Variants in FAM234B observed in about 807,000 individuals in gnomAD.
FAM234B encodes family with sequence similarity 234 member B.
Under a neutral mutation model 69.3 loss-of-function variants are expected in FAM234B, and 33 were observed. The ratio of observed to expected loss-of-function variants is 0.48; its 90% CI spans 0.36 to 0.64. The LOEUF is 0.64. Among genes scored for constraint, FAM234B ranks in the 30% least tolerant of loss-of-function variants. The pLI, the probability that FAM234B is intolerant of heterozygous loss-of-function variation, is 0.00. For synonymous variants in FAM234B, 306 were observed against 306.9 expected, an observed-to-expected ratio of 1.00 and a Z score of 0.03; for missense variants, 697 against 769.7, an observed-to-expected ratio of 0.91 and a Z score of 1.12.
rs537935545 is a variant in FAM234B at position 13,054,332 on chromosome 12, G to A, written c.38-1219G>A. ...AAGTATTAATTTTGGGAACTGATAA[G>A]TGTCCATGAAATCTTCACAATTTAT... is the stretch of plus-strand genomic sequence containing the variant. On this transcript the variant is annotated intron_variant, in intron 1 of 12. Transcript: ENST00000197268. Among the ~76,000 whole-genome samples the A allele has an allele frequency of 2.6e-5, 4 of 152,314 alleles. No homozygotes were observed. The East Asian group carries it at 5.8e-4, about 22-fold the overall frequency.
chr12:13,071,988 T>C (rs1045796632), intron 10 of FAM234B, among the ~76,000 whole-genome samples: 9 of 152,192 alleles, frequency 5.9e-5, no homozygotes, highest in African/African-American at 2.2e-4. Flanking sequence ...GCTACCTGTT[T>C]TAGGTACTGG....
At chr12:13,046,546 C>T (rs369215365) in intron 1 of FAM234B, among the ~76,000 whole-genome samples, 1 of 151,170 alleles carries the variant, frequency 6.6e-6, no homozygotes, top group Non-Finnish European at 1.5e-5. Context: ...CCGCAACCTC[C>T]GCCTCCTGGG....
intron 10 of FAM234B, among the ~76,000 whole-genome samples, chr12:13,072,787 C>T (rs1472492817): frequency 2.0e-5 from 3 of 151,178 alleles, no homozygotes; most frequent in East Asian, 3.9e-4. Flanking sequence ...AAGTTCAAGA[C>T]ACTTTGTAAG....
intron 11 of FAM234B, among the ~76,000 whole-genome samples, chr12:13,078,755 A>G (rs1237691825): frequency 2.0e-5 from 3 of 152,246 alleles, no homozygotes; most frequent in Non-Finnish European, 4.4e-5. Flanking sequence ...ACAGACAAAC[A>G]GAGAGCCATA....
At chr12:13,078,327 G>T (rs1292461131) in intron 11 of FAM234B, among the ~76,000 whole-genome samples, 1 of 152,102 alleles carries the variant, frequency 6.6e-6, no homozygotes, top group African/African-American at 2.4e-5. Context: ...TGGTGTTTTA[G>T]ACATGAAGTC....
chr12:13,071,822 G>T (rs913528256), intron 10 of FAM234B, among the ~76,000 whole-genome samples: 4 of 152,204 alleles, frequency 2.6e-5, no homozygotes, highest in African/African-American at 4.8e-5. Flanking sequence ...CGGGGATGGG[G>T]GAGGGTGGCC....
chr12:13,077,236 A>G (rs1422618588), intron 11 of FAM234B, among the ~76,000 whole-genome samples: 1 of 152,094 alleles, frequency 6.6e-6, no homozygotes, highest in Non-Finnish European at 1.5e-5. Context: ...CATTTTTATT[A>G]CAACTTGTAT....
intron 1 of FAM234B, among the ~76,000 whole-genome samples, chr12:13,048,272 C>T (rs1022871520): frequency 9.9e-5 from 15 of 152,152 alleles, no homozygotes; most frequent in Non-Finnish European, 1.6e-4. Flanking sequence ...GAAATCTTTG[C>T]CTGATTTTTG....
In FAM234B at chr12:13,058,561, G is replaced by GT. The variant is rs76117339; in HGVS notation, c.532+19dup. On this transcript the variant is annotated intron_variant, in intron 3 of 12. Transcript: ENST00000197268. ...CGGGAGTGCAGTAGGTAAGAGACGTGTTTTTTTCAAGGCTGCTACAGGGGC... is the reference window on the plus strand; with the variant it reads ...CGGGAGTGCAGTAGGTAAGAGACGTGTTTTTTTTCAAGGCTGCTACAGGGGC... The GT allele has an allele frequency of 1.1e-4, 178 of 1,610,162 alleles. No individual in the cohort carries two copies. The highest frequency in any genetic ancestry group is 1.5e-4 in the Non-Finnish European group (177 of 1,176,918).
At chr12:13,075,610 C>T (rs373247608) in intron 10 of FAM234B, among the ~76,000 whole-genome samples, 1 of 122,878 alleles carries the variant, frequency 8.1e-6, no homozygotes, top group Non-Finnish European at 1.7e-5. Flanking sequence ...TTTTTTTTCT[C>T]TTTTTTTTTT....
rs556719172 is a variant in FAM234B at position 13,045,670 on chromosome 12, A to G, written c.37+1230A>G. Among the ~76,000 whole-genome samples the G allele has an allele frequency of 1.7e-3, 257 of 152,264 alleles. 1 individual carries two copies. The highest frequency in any genetic ancestry group is 6.1e-3 in the African/African-American group (254 of 41,556). On this transcript the variant is annotated intron_variant, in intron 1 of 12. Coordinates refer to ENST00000197268, the MANE Select transcript of FAM234B (RefSeq NM_020853.2). The stretch of plus-strand genomic sequence containing the variant: ...CATTGGAACATTGGAAGGAACACTG[A>G]TAGCATCTGCCTTGGAATGTGTGCA...
intron 12 of FAM234B, among the ~76,000 whole-genome samples, chr12:13,080,289 C>A (rs569443176): frequency 6.6e-6 from 1 of 152,218 alleles, no homozygotes; most frequent in South Asian, 2.1e-4. Flanking sequence ...GGGGTGGCTA[C>A]GACTGGTATT....
rs540846870 is a variant in FAM234B at position 13,051,375 on chromosome 12, G to C, written c.38-4176G>C. ...CTGTTTTTAGCCTGATATGTTTGTT[G>C]CAAGGTGGAGACTGACTAGCAAGAT... On this transcript the variant is annotated intron_variant, in intron 1 of 12. Coordinates refer to ENST00000197268, the MANE Select transcript of FAM234B (RefSeq NM_020853.2). Among the ~76,000 whole-genome samples, 252 of 152,294 alleles carry C rather than the reference G, an allele frequency of 1.7e-3. 1 individual carries two copies. Among genetic ancestry groups the C allele is most frequent in the African/African-American group, 6.0e-3 (249 of 41,566 alleles).
At position 13,075,969 on chromosome 12, in the gene FAM234B, G is replaced by A. The variant is rs866920945; in HGVS notation, c.1525-57G>A. ...TACTCTGCCTTTTCACCTGAGGACT[G>A]TCACGTGTGGGAATGTAGCGTTACC... On this transcript the variant is annotated intron_variant, in intron 10 of 12. Coordinates refer to ENST00000197268, the MANE Select transcript of FAM234B (RefSeq NM_020853.2). 1.0e-5 allele frequency: 13 copies of A among 1,240,264 alleles called. No homozygotes were observed. In the Middle Eastern group the frequency reaches 1.5e-3, roughly 142 times the overall value. The allele number at this position is 1,240,264 out of a possible 1,614,324, so 76.8% of individuals were successfully genotyped here.
At chr12:13,070,368 A>G (rs1403332515) in intron 9 of FAM234B, among the ~76,000 whole-genome samples, 1 of 151,894 alleles carries the variant, frequency 6.6e-6, no homozygotes, top group Non-Finnish European at 1.5e-5. Context: ...GGTTCCAGGA[A>G]CTTGTGTGAT....
At chr12:13,077,136 C>T (rs1479078089) in intron 11 of FAM234B, among the ~76,000 whole-genome samples, 1 of 152,024 alleles carries the variant, frequency 6.6e-6, no homozygotes, top group Admixed American at 6.6e-5. Context: ...CTTGGAAAAT[C>T]CTGTGATTAG....
In FAM234B at chr12:13,044,586, T is replaced by G. The variant is rs2120429230; in HGVS notation, c.37+146T>G. On this transcript the variant is annotated intron_variant, in intron 1 of 12. Transcript: ENST00000197268. This position sits in a 1 kb window ranked among gnomAD's most constrained non-coding sequence, Gnocchi z 5.6. ...CGGTGCCGAGGAGGGTGCAGTCCCT[T>G]GGGGCTGGGGTCTCTGTGCCACCAG... 1.2e-6 allele frequency: 1 copy of G among 828,860 alleles called. No individual in the cohort carries two copies. The highest frequency in any genetic ancestry group is 2.9e-5 in the Admixed American group (1 of 35,076). 51.3% of individuals were successfully genotyped at this position (828,860 alleles called of 1,614,324 possible).
At position 13,068,400 on chromosome 12, in the gene FAM234B, G is replaced by A. The variant is rs750363798; in HGVS notation, c.1239G>A (p.Gly413=). 2 of 1,614,164 alleles carry A rather than the reference G, an allele frequency of 1.2e-6. No individual in the cohort carries two copies. The highest frequency in any genetic ancestry group is 1.7e-6 in the Non-Finnish European group (2 of 1,180,026). Residue 413 remains glycine (G), a synonymous_variant, in exon 8 of 13, where the codon GGG becomes GGA. Coordinates refer to ENST00000197268, the MANE Select transcript of FAM234B (RefSeq NM_020853.2). ...GACAAAGCCTTGTGCTGCTTCGGGG[G>A]CAAAATCTGACACCTTACTGGGCAT... is the stretch of plus-strand genomic sequence containing the variant. The part of the protein sequence containing the change: ...TTRQSLVLLR[G]QNLTPYWALR...
At position 13,044,450 on chromosome 12, in the gene FAM234B, C is replaced by T; in HGVS notation, c.37+10C>T. ...GCGCTCAAGCTGCCGGGTAAGGAGT[C>T]GCATGCTTGCGACCACCCAGTCCCC... On this transcript the variant is annotated intron_variant, in intron 1 of 12. Transcript: ENST00000197268. The surrounding 1 kb of genome is among the most constrained non-coding windows in gnomAD (Gnocchi z 5.6). The T allele has an allele frequency of 1.3e-6, 2 of 1,550,862 alleles. No homozygotes were observed. The highest frequency in any genetic ancestry group is 1.7e-4 in the Middle Eastern group (1 of 5,954).
Sources: allele counts gnomAD v4.1 joint callset (sites outside exome capture counted in the v4.1 genomes callset), GRCh38; gene constraint gnomAD v4.1.1; non-coding constraint Gnocchi (gnomAD v3.1); transcripts MANE v1.5; gene names NCBI Gene and HGNC (gene_info 2026-07-23, HGNC 2026-07-21).